FZR1: variants seen among roughly 807,000 people sequenced by gnomAD.
The protein encoded by FZR1 is fizzy-related protein homolog.
A neutral mutation model predicts 63.6 loss-of-function variants in FZR1; 11 were observed. The ratio of observed to expected loss-of-function variants is 0.17; its 90% CI spans 0.11 to 0.29. The LOEUF (loss-of-function observed/expected upper bound fraction) is 0.29. Among genes scored for constraint, FZR1 ranks in the 10% least tolerant of loss-of-function variants. The pLI, the probability that FZR1 is intolerant of heterozygous loss-of-function variation, is 1.00. For synonymous variants in FZR1, 328 were observed against 297.9 expected (o/e 1.10, Z -1.04); for missense variants, 440 against 687.5 (o/e 0.64, Z 4.03).
chr19:3,514,459 C>T lies in FZR1; in HGVS notation c.-35+7985C>T, dbSNP rs1390978843. Among the ~76,000 whole-genome samples the T allele has an allele frequency of 2.0e-5, 3 of 152,184 alleles. No individual in the cohort carries two copies. Among genetic ancestry groups the T allele is most frequent in the Non-Finnish European group, 2.9e-5 (2 of 68,020 alleles). On this transcript the variant is annotated intron_variant, in intron 1 of 13. Transcript: ENST00000441788. This position sits in a 1 kb window ranked among gnomAD's most constrained non-coding sequence, Gnocchi z 4.2. ...GCGTCCCTGGCCTCCACCCACTCCA[C>T]GCCAGGGGCACCCCCAGTCATGACA...
At position 3,533,694 on chromosome 19, in the gene FZR1, A is replaced by C; in HGVS notation, c.1347+296A>C. Reference sequence around the variant, plus strand: ...GGGGTGAAGAGGAAAGCCAAAACCAACTCACAGCTGACCACTCAGATGACC... The same window carrying C: ...GGGGTGAAGAGGAAAGCCAAAACCACCTCACAGCTGACCACTCAGATGACC... On this transcript the variant is annotated intron_variant, in intron 12 of 13. Transcript: ENST00000441788. The surrounding 1 kb of genome is among the most constrained non-coding windows in gnomAD (Gnocchi z 4.9). 1 of 371,884 alleles carries C rather than the reference A, an allele frequency of 2.7e-6. No homozygotes were observed. The allele number at this position is 371,884 out of a possible 1,614,324, so 23.0% of individuals were successfully genotyped here.
At chr19:3,506,650 C>T (rs2082985397) in intron 1 of FZR1, among the ~76,000 whole-genome samples, 176 bp downstream of exon 1, 1 of 151,572 alleles carries the variant, frequency 6.6e-6, no homozygotes, top group Non-Finnish European at 1.5e-5. Context: ...GCCCGGGTGA[C>T]CTCAGCATCC....
At position 3,523,078 on chromosome 19, in the gene FZR1, C is replaced by T. The variant is rs779316364; in HGVS notation, c.69+20C>T. On this transcript the variant is annotated intron_variant, in intron 2 of 13. Coordinates refer to ENST00000441788, the MANE Select transcript of FZR1 (RefSeq NM_016263.4). ...CCACGCGTGAGTGCCCCCGCCCTGC[C>T]CACCACTGTGGCTCCCCCTCCCCCA... 79 of 1,501,868 alleles carry T rather than the reference C, an allele frequency of 5.3e-5. No homozygotes were observed. The highest frequency in any genetic ancestry group is 7.3e-5 in the Non-Finnish European group (79 of 1,078,654). 93.0% of individuals were successfully genotyped at this position (1,501,868 alleles called of 1,614,324 possible).
In FZR1 at chr19:3,531,710, C is replaced by T. The variant is rs1483418978; in HGVS notation, c.721-4C>T. ...CGGTGCTCTGCCCATGCCTTCCATC[C>T]TAGGGGAACCTGGTGGCGGTGGGCA... On this transcript the variant is annotated splice_region_variant and splice_polypyrimidine_tract_variant and intron_variant, in intron 8 of 13. Transcript: ENST00000441788. 6.5e-7 allele frequency: 1 copy of T among 1,546,496 alleles called. No individual in the cohort carries two copies. The highest frequency in any genetic ancestry group is 1.2e-5 in the South Asian group (1 of 83,958).
At chr19:3,508,345 C>T (rs1599769107) in intron 1 of FZR1, among the ~76,000 whole-genome samples, 1 of 151,520 alleles carries the variant, frequency 6.6e-6, no homozygotes, top group African/African-American at 2.4e-5. Flanking sequence ...TACAGGTGTG[C>T]GCACCACGCC....
chr19:3,524,776 C>A (rs117662675), intron 2 of FZR1, among the ~76,000 whole-genome samples: 2,450 of 152,276 alleles, frequency 0.016, 55 homozygotes, highest in Non-Finnish European at 0.02. Context: ...GCTGTGACCA[C>A]GTCCCTCTGG....
chr19:3,519,283 C>A (rs535165065), intron 1 of FZR1, among the ~76,000 whole-genome samples: 1 of 152,338 alleles, frequency 6.6e-6, no homozygotes, highest in South Asian at 2.1e-4. Context: ...GGGGTCAGGA[C>A]CCTACGCCCC....
Position 3,530,823 on chromosome 19 carries a change from G to A in FZR1, c.686G>A (p.Gly229Glu). ...CGGCTCTGTGACCTCTCAGTGGAAG[G>A]GGACTCAGTGACCTCCGTGGGCTGG... ...VTRLCDLSVE[G>E]DSVTSVGWSE... is the part of the protein sequence containing the mutation. Residue 229 changes from glycine (G) to glutamate (E), a missense_variant, in exon 8 of 14, where the codon GGG (glycine) becomes GAG (glutamate). Coordinates refer to ENST00000441788, the MANE Select transcript of FZR1 (RefSeq NM_016263.4). 1 of 1,613,172 alleles carries A rather than the reference G, an allele frequency of 6.2e-7. No homozygotes were observed. Among genetic ancestry groups the A allele is most frequent in the Non-Finnish European group, 8.5e-7 (1 of 1,179,740 alleles).
intron 7 of FZR1, among the ~76,000 whole-genome samples, chr19:3,529,873 T>A (rs918019179): frequency 0.016 from 359 of 22,196 alleles, 8 homozygotes; most frequent in South Asian, 0.025. Context: ...AGCGGGTGGG[T>A]GAGCGGGTGG....
At chr19:3,532,700 G>A (rs1568240715) in intron 11 of FZR1, 50 bp downstream of exon 11, 4 of 1,301,846 alleles carry the variant, frequency 3.1e-6, no homozygotes, top group African/African-American at 1.5e-5. Context: ...TGTGCGTCCT[G>A]CTGGCCCCTT....
chr19:3,524,482 GAC>G (rs753601380), intron 2 of FZR1, among the ~76,000 whole-genome samples: 17 of 152,228 alleles, frequency 1.1e-4, no homozygotes, highest in Non-Finnish European at 1.8e-4. Context: ...GCTGTGGAGA[GAC>G]AGCCCTGGAA....
At position 3,527,643 on chromosome 19, in the gene FZR1, C is replaced by G. The variant is rs1310578506; in HGVS notation, c.483C>G (p.Leu161=). Residue 161 remains leucine, a synonymous_variant, in exon 7 of 14, where the codon CTC becomes CTG. Coordinates refer to ENST00000441788, the MANE Select transcript of FZR1 (RefSeq NM_016263.4). ...SPVSNKSQKL[L]RSPRKPTRKI... is the part of the protein sequence containing the mutation. Reference sequence around the variant, plus strand: ...GCCGCCTCTGCAGCCAGAAGCTGCTCCGGTCCCCCCGGAAACCCACCCGCA... The same window carrying G: ...GCCGCCTCTGCAGCCAGAAGCTGCTGCGGTCCCCCCGGAAACCCACCCGCA... The G allele has an allele frequency of 1.2e-6, 2 of 1,608,156 alleles. No homozygotes were observed. The highest frequency in any genetic ancestry group is 1.7e-5 in the Admixed American group (1 of 59,870).
At position 3,526,892 on chromosome 19, in the gene FZR1, A is replaced by C; in HGVS notation, c.388-88A>C. ...TCTCAGCACCTGCCTTAGGGCTATGAGCTGTACCGGGAGCGTGGGCTGCTG... is the reference window on the plus strand; with the variant it reads ...TCTCAGCACCTGCCTTAGGGCTATGCGCTGTACCGGGAGCGTGGGCTGCTG... On this transcript the variant is annotated intron_variant, in intron 5 of 13. Transcript: ENST00000441788. This position sits in a 1 kb window ranked among gnomAD's most constrained non-coding sequence, Gnocchi z 5.4. 1.1e-6 allele frequency: 1 copy of C among 897,496 alleles called. No homozygotes were observed. The highest frequency in any genetic ancestry group is 1.4e-5 in the South Asian group (1 of 73,152). 55.6% of individuals were successfully genotyped at this position (897,496 alleles called of 1,614,324 possible). A position where few individuals can be genotyped will look rare whatever the true frequency, so the allele number is the denominator to read the frequency against.
chr19:3,532,625 C>T lies in FZR1; in HGVS notation c.1217C>T (p.Ala406Val). 1 of 1,612,346 alleles carries T rather than the reference C, an allele frequency of 6.2e-7. No individual in the cohort carries two copies. Among genetic ancestry groups the T allele is most frequent in the Non-Finnish European group, 8.5e-7 (1 of 1,179,594 alleles). The change falls in exon 11 of 14, where the codon GCC (alanine) becomes GTC (valine). Residue 406 changes from alanine (A) to valine (V), a missense_variant. Around this residue, in one of 5 missense-constraint regions of FZR1, gnomAD observed 208 missense variants for 363.6 expected, o/e 0.57. Coordinates refer to ENST00000441788, the MANE Select transcript of FZR1 (RefSeq NM_016263.4). Reference protein sequence around the residue: ...IDTGSQVCNLAWSKHANELVS... With the variant: ...IDTGSQVCNLVWSKHANELVS... The stretch of plus-strand genomic sequence containing the variant: ...ACGGGCTCCCAAGTGTGCAATCTGG[C>T]CTGGTCCAAGCACGCCAACGAGCTG...
chr19:3,534,503 G>T lies in FZR1; in HGVS notation c.1430G>T (p.Arg477Leu). 6.2e-7 allele frequency: 1 copy of T among 1,604,806 alleles called. No homozygotes were observed. The highest frequency in any genetic ancestry group is 8.5e-7 in the Non-Finnish European group (1 of 1,174,558). Residue 477 changes from arginine to leucine, a missense_variant, in exon 13 of 14, where the codon CGT becomes CTT. Arg to Leu is a moderately radical substitution (Grantham distance 102). This residue lies in a region of FZR1 where 28 missense variants were observed against 26.3 expected (regional missense o/e 1.06). Transcript: ENST00000441788. Reference sequence around the variant, plus strand: ...TTCTGGAACGTCTTTAGCAAAACCCGTTCGACAAAGGTAAAGTGGGTCGGT... The same window carrying T: ...TTCTGGAACGTCTTTAGCAAAACCCTTTCGACAAAGGTAAAGTGGGTCGGT... ...LRFWNVFSKT[R>L]STKESVSVLN...
At chr19:3,518,042 T>G (rs945691418) in intron 1 of FZR1, among the ~76,000 whole-genome samples, 7 of 140,394 alleles carry the variant, frequency 5.0e-5, no homozygotes, top group African/African-American at 1.9e-4. Flanking sequence ...TGAGACAGAG[T>G]CTCACTGTGT....
Position 3,515,228 on chromosome 19 carries a change from G to C in FZR1, c.-34-7728G>C, listed in dbSNP as rs1395655590. Among the ~76,000 whole-genome samples, 3 of 152,206 alleles carry C rather than the reference G, an allele frequency of 2.0e-5. No homozygotes were observed. Among genetic ancestry groups the C allele is most frequent in the Non-Finnish European group, 4.4e-5 (3 of 68,036 alleles). On this transcript the variant is annotated intron_variant, in intron 1 of 13. Transcript: ENST00000441788. This position sits in a 1 kb window ranked among gnomAD's most constrained non-coding sequence, Gnocchi z 4.6. ...ATGTGCAGCGAGGGTCCGGGTTGCT[G>C]CTAAACTCCCTCGACCCGGTCTGAG...
intron 1 of FZR1, among the ~76,000 whole-genome samples, chr19:3,522,630 G>A (rs560281869): frequency 1.3e-3 from 201 of 152,300 alleles, no homozygotes; most frequent in African/African-American, 4.7e-3. Context: ...GGCTGCCCAC[G>A]CTCAGGGAAG....
Position 3,527,637 on chromosome 19 carries a change from G to A in FZR1, c.477G>A (p.Lys159=), listed in dbSNP as rs910533520. Residue 159 remains lysine (K), a synonymous_variant, in exon 7 of 14, where the codon AAG becomes AAA. Transcript: ENST00000441788. ...CACGTGGCCGCCTCTGCAGCCAGAA[G>A]CTGCTCCGGTCCCCCCGGAAACCCA... ...SLSPVSNKSQ[K]LLRSPRKPTR... is the part of the protein sequence containing the mutation. 1.6e-5 allele frequency: 26 copies of A among 1,606,130 alleles called. No homozygotes were observed. The highest frequency in any genetic ancestry group is 2.2e-5 in the Non-Finnish European group (26 of 1,177,436).
Sources: allele counts gnomAD v4.1 joint callset (sites outside exome capture counted in the v4.1 genomes callset), GRCh38; gene constraint gnomAD v4.1.1; regional missense constraint gnomAD v4.1.1; non-coding constraint Gnocchi (gnomAD v3.1); transcripts MANE v1.5; gene names NCBI Gene and HGNC (gene_info 2026-07-23, HGNC 2026-07-21).